Variants in CHD3 observed in about 807,000 individuals in gnomAD.
The protein encoded by CHD3 is ATP-dependent chromatin remodeler CHD3.
Under a neutral mutation model 248.9 loss-of-function variants are expected in CHD3, and 52 were observed. The ratio of observed to expected loss-of-function variants is 0.21; its 90% confidence interval spans 0.17 to 0.26. The LOEUF (loss-of-function observed/expected upper bound fraction) is 0.26. Among genes scored for constraint, CHD3 ranks in the 10% least tolerant of loss-of-function variants. The pLI is 1.00. For synonymous variants in CHD3, 985 were observed against 985.2 expected, an observed-to-expected ratio of 1.00 and a Z score of 0.00; for missense variants, 1,482 against 2,605.8, an observed-to-expected ratio of 0.57 and a Z score of 9.39.
chr17:7,903,796 A>G lies in CHD3; in HGVS notation c.3728-29A>G. 6.2e-7 allele frequency: 1 copy of G among 1,609,782 alleles called. No individual in the cohort carries two copies. Among genetic ancestry groups the G allele is most frequent in the Non-Finnish European group, 8.5e-7 (1 of 1,176,572 alleles). On this transcript the variant is annotated intron_variant, in intron 23 of 39. Transcript: ENST00000330494. The surrounding 1 kb of genome is among the most constrained non-coding windows in gnomAD (Gnocchi z 6.8). ...CAGCCTTTCTAAACTTTGGAACCCA[A>G]AGTTCCCGTTTGTTTTCCCTCTCAC...
chr17:7,903,102 G>A lies in CHD3; in HGVS notation c.3495+41G>A, dbSNP rs779421756. 1 of 1,600,222 alleles carries A rather than the reference G, an allele frequency of 6.2e-7. No individual in the cohort carries two copies. Among genetic ancestry groups the A allele is most frequent in the Non-Finnish European group, 8.5e-7 (1 of 1,169,866 alleles). Reference sequence around the variant, plus strand: ...CTAGAACCCCTGCACCATTTAGCAAGGAGATGTGGGTTCATGGAGGAGGGT... The same window carrying A: ...CTAGAACCCCTGCACCATTTAGCAAAGAGATGTGGGTTCATGGAGGAGGGT... On this transcript the variant is annotated intron_variant, in intron 22 of 39. Transcript: ENST00000330494. This position sits in a 1 kb window ranked among gnomAD's most constrained non-coding sequence, Gnocchi z 6.8.
chr17:7,905,527 C>A lies in CHD3; in HGVS notation c.4139-94C>A. ...CACCTCAAACGTGACAGGAATGTTCCTGTGTTGTGTATCTTGTGGGAATGG... is the reference window on the plus strand; with the variant it reads ...CACCTCAAACGTGACAGGAATGTTCATGTGTTGTGTATCTTGTGGGAATGG... On this transcript the variant is annotated intron_variant, in intron 26 of 39. Coordinates refer to ENST00000330494, the MANE Select transcript of CHD3 (RefSeq NM_001005273.3). This position sits in a 1 kb window ranked among gnomAD's most constrained non-coding sequence, Gnocchi z 5.8. 1 of 937,582 alleles carries A rather than the reference C, an allele frequency of 1.1e-6. No individual in the cohort carries two copies. The highest frequency in any genetic ancestry group is 1.6e-6 in the Non-Finnish European group (1 of 626,680). The allele number at this position is 937,582 out of a possible 1,614,324, so 58.1% of individuals were successfully genotyped here.
Position 7,899,965 on chromosome 17 carries a change from C to T in CHD3, c.2614C>T (p.Leu872Phe). ...GCTGATCACCATTGATCAGGCAGCA[C>T]TTGGTTCCATCCGCTGGGCCTGTCT... ...YELITIDQAA[L>F]GSIRWACLVV... The change falls in exon 16 of 40, where the codon CTT becomes TTT. Residue 872 changes from leucine (L) to phenylalanine (F), a missense_variant. By Grantham distance (22) the Leu-to-Phe change is conservative. This residue lies in a region of CHD3 where 49 missense variants were observed against 93.8 expected (regional missense o/e 0.52). Coordinates refer to ENST00000330494, the MANE Select transcript of CHD3 (RefSeq NM_001005273.3). This position sits in a 1 kb window ranked among gnomAD's most constrained non-coding sequence, Gnocchi z 6.8. 6.2e-7 allele frequency: 1 copy of T among 1,614,124 alleles called. No homozygotes were observed. The highest frequency in any genetic ancestry group is 8.5e-7 in the Non-Finnish European group (1 of 1,180,028).
rs1306291385 is a variant in CHD3, at chr17:7,904,308, T to C, written c.3895-134T>C. 5.2e-6 allele frequency: 4 copies of C among 774,598 alleles called. No homozygotes were observed. In the South Asian group the frequency reaches 5.3e-5, roughly 10 times the overall value. 48.0% of individuals were successfully genotyped at this position (774,598 alleles called of 1,614,324 possible). A position where few individuals can be genotyped will look rare whatever the true frequency, so the allele number is the denominator to read the frequency against. ...TGGAACATGCGCAATGTCCAGAAAA[T>C]GTATGCAGAGCCACGAAGCTGCAGG... On this transcript the variant is annotated intron_variant, in intron 24 of 39. Transcript: ENST00000330494. This position sits in a 1 kb window ranked among gnomAD's most constrained non-coding sequence, Gnocchi z 4.4.
chr17:7,911,651 G>A lies in CHD3; in HGVS notation c.*66G>A. 6.2e-7 allele frequency: 1 copy of A among 1,609,898 alleles called. No homozygotes were observed. Among genetic ancestry groups the A allele is most frequent in the Admixed American group, 1.7e-5 (1 of 59,528 alleles). On this transcript the variant is annotated 3_prime_UTR_variant, in exon 40 of 40. Transcript: ENST00000330494. This position sits in a 1 kb window ranked among gnomAD's most constrained non-coding sequence, Gnocchi z 5.4. ...AGGCCGACCCCCAGCTCAAGCGCTG[G>A]GGCCTGCTGCCAGCCCTCCACCTTC...
Position 7,898,595 on chromosome 17 carries a change from T to C in CHD3, c.2151T>C (p.Asp717=), listed in dbSNP as rs777166105. The C allele has an allele frequency of 3.1e-6, 5 of 1,607,610 alleles. No homozygotes were observed. Among genetic ancestry groups the C allele is most frequent in the Non-Finnish European group, 4.3e-6 (5 of 1,175,166 alleles). Residue 717 remains aspartate, a splice_region_variant and synonymous_variant, in exon 13 of 40, where the codon GAT becomes GAC. Transcript: ENST00000330494. ...GDGPPSSPTN[D]PTVKYETQPR... is the part of the protein sequence containing the mutation. ...GGCCTCCCAGTTCTCCCACTAATGA[T>C]GTGAGTCCTCTCAGTTGTCATTTCT... is the stretch of plus-strand genomic sequence containing the variant.
intron 6 of CHD3, 29 bp downstream of exon 6, chr17:7,893,964 A>T: frequency 7.5e-7 from 1 of 1,332,936 alleles, no homozygotes; most frequent in Non-Finnish European, 1.0e-6. Context: ...TCTACTAAAC[A>T]CCTGGGGGCC....
chr17:7,888,740 G>C, upstream of CHD3: 1 of 1,188,076 alleles, frequency 8.4e-7, no homozygotes, highest in Non-Finnish European at 1.1e-6. Context: ...GCGCGCGTGC[G>C]CGCGCGTGCT....
In CHD3 at chr17:7,893,880, CA is replaced by C. The variant is rs1969250254; in HGVS notation, c.870del (p.Pro291HisfsTer4). The part of the protein sequence containing the change: ...GRKKLRGKKM[A>X]PLKIKLGLLG... ...AAGAAGCTTCGGGGAAAGAAAATGG[CA>C]CCACTCAAAATAAAACTAGGGCTTC... is the stretch of plus-strand genomic sequence containing the variant. On this transcript the variant is annotated frameshift_variant, in exon 6 of 40. Coordinates refer to ENST00000330494, the MANE Select transcript of CHD3 (RefSeq NM_001005273.3). LOFTEE classifies it high-confidence loss of function. 1 of 1,608,636 alleles carries C rather than the reference CA, an allele frequency of 6.2e-7. No homozygotes were observed.
rs554549070 is a variant in CHD3 at position 7,905,737 on chromosome 17, T to TC, written c.4224+33dup. The TC allele has an allele frequency of 2.5e-4, 411 of 1,613,146 alleles. 6 individuals carry two copies. The African/African-American group carries it at 5.1e-3, about 20-fold the overall frequency. ...AGCTGGGCCCAGTGTTCCTGAGTTC[T>TC]CCAAGAGGGCATGAGGGCAGGAGGT... is the stretch of plus-strand genomic sequence containing the variant. On this transcript the variant is annotated intron_variant, in intron 27 of 39. Transcript: ENST00000330494. The surrounding 1 kb of genome is among the most constrained non-coding windows in gnomAD (Gnocchi z 5.8).
upstream of CHD3, among the ~76,000 whole-genome samples, chr17:7,885,856 A>G (rs985473999): frequency 4.6e-5 from 7 of 152,200 alleles, no homozygotes; most frequent in Non-Finnish European, 8.8e-5. Context: ...CACTTCCTGG[A>G]ATAAGGCAGG....
chr17:7,905,529 G>C lies in CHD3; in HGVS notation c.4139-92G>C, dbSNP rs1456302616. 1.6e-5 allele frequency: 15 copies of C among 952,034 alleles called. No individual in the cohort carries two copies. In the East Asian group the frequency reaches 3.4e-4, roughly 22 times the overall value. 59.0% of individuals were successfully genotyped at this position (952,034 alleles called of 1,614,324 possible). A position where few individuals can be genotyped will look rare whatever the true frequency, so the allele number is the denominator to read the frequency against. On this transcript the variant is annotated intron_variant, in intron 26 of 39. Transcript: ENST00000330494. The surrounding 1 kb of genome is among the most constrained non-coding windows in gnomAD (Gnocchi z 5.8). ...CCTCAAACGTGACAGGAATGTTCCT[G>C]TGTTGTGTATCTTGTGGGAATGGGG... is the stretch of plus-strand genomic sequence containing the variant.
Position 7,908,787 on chromosome 17 carries a change from C to T in CHD3, c.5352C>T (p.Asn1784=), listed in dbSNP as rs1971296915. Residue 1784 remains asparagine (N), a synonymous_variant, in exon 36 of 40, where the codon AAC becomes AAT. Transcript: ENST00000330494. This position sits in a 1 kb window ranked among gnomAD's most constrained non-coding sequence, Gnocchi z 5.8. ...TTAAAACTGAAGCCAATAAGGGGAA[C>T]TTTCTGGAGATGAAAAATAAGTTCC... ...EPFKTEANKG[N]FLEMKNKFLA... is the part of the protein sequence containing the mutation. 1 of 1,614,106 alleles carries T rather than the reference C, an allele frequency of 6.2e-7. No individual in the cohort carries two copies. The highest frequency in any genetic ancestry group is 1.3e-5 in the African/African-American group (1 of 75,010).
chr17:7,898,929 T>C, intron 13 of CHD3, 82 bp from the exon 14 acceptor site: 2 of 1,223,132 alleles, frequency 1.6e-6, no homozygotes, highest in South Asian at 2.5e-5. Context: ...TCCAACTTGG[T>C]ATCCATGCCA....
At chr17:7,886,899 A>G (rs749592108), upstream of CHD3, among the ~76,000 whole-genome samples, 13 of 152,012 alleles carry the variant, frequency 8.6e-5, no homozygotes, top group Non-Finnish European at 1.2e-4. This position sits in a 1 kb window ranked among gnomAD's most constrained non-coding sequence, Gnocchi z 4.2. Flanking sequence ...CTTTGTGTCA[A>G]CCCGGCCTCC....
chr17:7,886,939 A>G (rs1158811534), upstream of CHD3, among the ~76,000 whole-genome samples: 2 of 152,152 alleles, frequency 1.3e-5, no homozygotes, highest in Admixed American at 1.3e-4. The surrounding 1 kb of genome is among the most constrained non-coding windows in gnomAD (Gnocchi z 4.2). Context: ...TGAATAGACC[A>G]GAAGAGACGT....
At position 7,900,470 on chromosome 17, in the gene CHD3, T is replaced by C; in HGVS notation, c.2804+59T>C. The C allele has an allele frequency of 6.2e-7, 1 of 1,612,728 alleles. No homozygotes were observed. Among genetic ancestry groups the C allele is most frequent in the Non-Finnish European group, 8.5e-7 (1 of 1,179,122 alleles). ...GAGAGGTGGAGCAGATAAAATGAGCTGGTAGAGGATTAATCTGAGGTGGTA... is the reference window on the plus strand; with the variant it reads ...GAGAGGTGGAGCAGATAAAATGAGCCGGTAGAGGATTAATCTGAGGTGGTA... On this transcript the variant is annotated intron_variant, in intron 17 of 39. Transcript: ENST00000330494. This position sits in a 1 kb window ranked among gnomAD's most constrained non-coding sequence, Gnocchi z 6.5.
chr17:7,898,871 A>T, intron 13 of CHD3, 140 bp from the exon 14 acceptor site: 1 of 778,196 alleles, frequency 1.3e-6, no homozygotes, highest in Non-Finnish European at 2.2e-6. Context: ...GCTGAAGACT[A>T]GATGTGAGAA....
At chr17:7,898,156 C>G in intron 12 of CHD3, 54 bp downstream of exon 12, 1 of 1,596,526 alleles carries the variant, frequency 6.3e-7, no homozygotes, top group East Asian at 2.2e-5. Context: ...GGCATGAAAG[C>G]CAAAACTCCA....
Sources: allele counts gnomAD v4.1 joint callset (sites outside exome capture counted in the v4.1 genomes callset), GRCh38; gene constraint gnomAD v4.1.1; regional missense constraint gnomAD v4.1.1; non-coding constraint Gnocchi (gnomAD v3.1); transcripts MANE v1.5; gene names NCBI Gene and HGNC (gene_info 2026-07-23, HGNC 2026-07-21).